RPS6KC1: variants seen among roughly 807,000 people sequenced by gnomAD.
RPS6KC1 encodes ribosomal protein S6 kinase C1.
A neutral mutation model predicts 103.8 loss-of-function variants in RPS6KC1; 54 were observed. The ratio of observed to expected loss-of-function variants is 0.52; its 90% CI spans 0.42 to 0.65. RPS6KC1 has a LOEUF of 0.65. Ranked by LOEUF, RPS6KC1 falls within the 30% of genes least tolerant of loss-of-function variation. The probability of loss-of-function intolerance (pLI) is 0.00; values close to 1 mark genes in which losing one functional copy is unlikely to be tolerated. For synonymous variants in RPS6KC1, 439 were observed against 438.7 expected (o/e 1.00, Z -0.01); for missense variants, 1,151 against 1,253.8 (o/e 0.92, Z 1.24).
At chr1:213,209,695 CAA>C (rs60840755) in intron 8 of RPS6KC1, among the ~76,000 whole-genome samples, 2,470 of 53,992 alleles carry the variant, frequency 0.046, 14 homozygotes, top group African/African-American at 0.1. Context: ...AACTCCGTCT[CAA>C]AAAAAAAAAA....
the RPS6KC1 span, among the ~76,000 whole-genome samples, chr1:213,501,104 C>CAT: frequency 0.68 from 103,241 of 151,858 alleles, 35,473 homozygotes; most frequent in East Asian, 0.98. Context: ...ATATTTGAAA[C>CAT]AAAATGATTC....
chr1:213,410,269 G>A, the RPS6KC1 span, among the ~76,000 whole-genome samples: 1 of 152,156 alleles, frequency 6.6e-6, no homozygotes, highest in African/African-American at 2.4e-5. Context: ...GATGGAATGT[G>A]GCCCCTGAGG....
rs573491327 is a variant in RPS6KC1 at position 213,253,956 on chromosome 1, G to A, written c.2912-7602G>A. Among the ~76,000 whole-genome samples the A allele has an allele frequency of 2.0e-3, 300 of 152,208 alleles. 1 individual carries two copies. The highest frequency in any genetic ancestry group is 7.0e-3 in the African/African-American group (289 of 41,532). ...CTTGGAAGACTCTGAATATCATAAG[G>A]ACTATAAAACTTTGTTATTCTGTGT... On this transcript the variant is annotated intron_variant, in intron 12 of 14. Transcript: ENST00000366960.
chr1:213,512,132 A>G, the RPS6KC1 span, among the ~76,000 whole-genome samples: 1 of 152,202 alleles, frequency 6.6e-6, no homozygotes, highest in Non-Finnish European at 1.5e-5. Context: ...TTCATTCACA[A>G]TTGTAATGAG....
At chr1:213,412,627 G>A in the RPS6KC1 span, among the ~76,000 whole-genome samples, 7 of 152,240 alleles carry the variant, frequency 4.6e-5, no homozygotes, top group South Asian at 4.1e-4. Flanking sequence ...GTCTTGGCCA[G>A]TTTGATGGAC....
chr1:213,219,083 G>A (rs1323306775), intron 8 of RPS6KC1, among the ~76,000 whole-genome samples: 1 of 152,178 alleles, frequency 6.6e-6, no homozygotes, highest in Non-Finnish European at 1.5e-5. Context: ...CCAACCTACA[G>A]AATGGGAGAA....
At chr1:213,692,455 C>G in the RPS6KC1 span, among the ~76,000 whole-genome samples, 2 of 151,966 alleles carry the variant, frequency 1.3e-5, no homozygotes, top group South Asian at 4.2e-4. Context: ...GGAAGAGGGC[C>G]AAGTGGGCAA....
the RPS6KC1 span, among the ~76,000 whole-genome samples, chr1:213,369,336 G>A: frequency 6.6e-6 from 1 of 152,216 alleles, no homozygotes; most frequent in Non-Finnish European, 1.5e-5. Flanking sequence ...GATGTTGAAA[G>A]TCTCTTCCTA....
chr1:213,681,205 C>T, the RPS6KC1 span, among the ~76,000 whole-genome samples: 6 of 152,172 alleles, frequency 3.9e-5, no homozygotes, highest in African/African-American at 4.8e-5. Context: ...CCCCAGACAC[C>T]GCCAACCATG....
the RPS6KC1 span, among the ~76,000 whole-genome samples, chr1:213,493,625 C>A: frequency 6.6e-6 from 1 of 152,196 alleles, no homozygotes; most frequent in Non-Finnish European, 1.5e-5. Context: ...ATATAAGTGC[C>A]AACCTAAAAT....
At chr1:213,525,608 G>A in the RPS6KC1 span, among the ~76,000 whole-genome samples, 1 of 152,118 alleles carries the variant, frequency 6.6e-6, no homozygotes, top group Admixed American at 6.6e-5. Context: ...ATACTTAGAA[G>A]GTGAAGAGAA....
At chr1:213,478,653 G>T in the RPS6KC1 span, among the ~76,000 whole-genome samples, 1 of 152,160 alleles carries the variant, frequency 6.6e-6, no homozygotes, top group South Asian at 2.1e-4. Flanking sequence ...TACCATTTGT[G>T]TATCTTCTTT....
chr1:213,431,488 A>G, the RPS6KC1 span, among the ~76,000 whole-genome samples: 1 of 152,110 alleles, frequency 6.6e-6, no homozygotes, highest in Non-Finnish European at 1.5e-5. Context: ...AAAGCTAACT[A>G]ATATTCTGGT....
At chr1:213,785,889 G>A in the RPS6KC1 span, among the ~76,000 whole-genome samples, 1 of 152,094 alleles carries the variant, frequency 6.6e-6, no homozygotes, top group Non-Finnish European at 1.5e-5. Context: ...GGTAGGTGAT[G>A]ATCAAAAAAA....
the RPS6KC1 span, among the ~76,000 whole-genome samples, chr1:213,375,220 TA>T: frequency 6.6e-6 from 1 of 151,298 alleles, no homozygotes. Context: ...CATACATACA[TA>T]TTCACATACA....
the RPS6KC1 span, among the ~76,000 whole-genome samples, chr1:213,310,016 C>A: frequency 6.6e-6 from 1 of 152,176 alleles, no homozygotes; most frequent in Admixed American, 6.5e-5. Context: ...CACATTCCAC[C>A]TATAAGCAAA....
rs1227197385 is a variant in RPS6KC1 at position 213,089,763 on chromosome 1, C to G, written c.262+11947C>G. ...AGGCGTGAGCCACCGCGCCCGGCCC[C>G]ATTTTGCTGTTAAAGTGCCTGGCAA... On this transcript the variant is annotated intron_variant, in intron 3 of 14. Transcript: ENST00000366960. Among the ~76,000 whole-genome samples, 4 of 152,058 alleles carry G rather than the reference C, an allele frequency of 2.6e-5. No homozygotes were observed. The East Asian group carries it at 7.7e-4, about 29-fold the overall frequency.
chr1:213,731,449 G>A, the RPS6KC1 span: 2 of 152,216 alleles, frequency 1.3e-5, no homozygotes, highest in African/African-American at 4.8e-5. Context: ...CGGTAATTGG[G>A]AATAAGCTTC....
intron 14 of RPS6KC1, 28 bp from the exon 15 acceptor site, chr1:213,272,496 G>A: frequency 6.5e-7 from 1 of 1,547,072 alleles, no homozygotes; most frequent in East Asian, 2.2e-5. Context: ...TTGGATTCCT[G>A]TTACTCACTA....
Sources: gnomAD v4.1 joint callset for allele counts (sites outside exome capture counted in the v4.1 genomes callset) on GRCh38, gnomAD v4.1.1 for gene constraint, MANE v1.5 for transcripts, NCBI Gene and HGNC (gene_info 2026-07-23, HGNC 2026-07-21) for gene names.